AOAH: variants seen among roughly 807,000 people sequenced by gnomAD.
AOAH encodes acyloxyacyl hydrolase.
A neutral mutation model predicts 92.2 loss-of-function variants in AOAH; 64 were observed. The ratio of observed to expected loss-of-function variants is 0.69; its 90% CI spans 0.57 to 0.86. The LOEUF (loss-of-function observed/expected upper bound fraction) is 0.86, where lower values mean the gene tolerates loss of function less well. Ranked by LOEUF, AOAH falls within the 40% of genes least tolerant of loss-of-function variation. The pLI, the probability that AOAH is intolerant of heterozygous loss-of-function variation, is 0.00. For synonymous variants in AOAH, 263 were observed against 254.5 expected (o/e 1.03, Z -0.32); for missense variants, 656 against 694.6 (o/e 0.94, Z 0.62).
At chr7:36,666,035 T>C (rs1263002029) in intron 3 of AOAH, among the ~76,000 whole-genome samples, 1 of 152,146 alleles carries the variant, frequency 6.6e-6, no homozygotes, top group Non-Finnish European at 1.5e-5. Flanking sequence ...TTGTCTGGTT[T>C]TGGTATTAGG....
rs895160923 is a variant in AOAH at position 36,671,647 on chromosome 7, G to T, written c.290+2296C>A. ...TGTGTGCATCTGTGTGTGTGCACGT[G>T]TTTGTGTGTGTGTGTGTGTGTGCCT... On this transcript the variant is annotated intron_variant, in intron 3 of 20. Transcript: ENST00000617537. Among the ~76,000 whole-genome samples the T allele has an allele frequency of 3.1e-4, 44 of 140,010 alleles. 1 individual carries two copies. The highest frequency in any genetic ancestry group is 1.3e-3 in the African/African-American group (44 of 34,668). 91.9% of individuals were successfully genotyped at this position (140,010 alleles called of 152,430 possible).
intron 11 of AOAH, among the ~76,000 whole-genome samples, chr7:36,607,401 G>T (rs753666871): frequency 2.6e-4 from 39 of 152,252 alleles, no homozygotes; most frequent in Non-Finnish European, 2.4e-4. Flanking sequence ...ATTTGTAAAT[G>T]CATTCCTACC....
chr7:36,608,822 G>A (rs1331290731), intron 11 of AOAH, among the ~76,000 whole-genome samples: 1 of 147,832 alleles, frequency 6.8e-6, no homozygotes, highest in East Asian at 2.0e-4. Flanking sequence ...AATTATGGGA[G>A]CAATCCCTCT....
At chr7:36,565,227 C>T (rs977719042) in intron 13 of AOAH, among the ~76,000 whole-genome samples, 1 of 152,112 alleles carries the variant, frequency 6.6e-6, no homozygotes, top group Admixed American at 6.6e-5. Context: ...GTTGCTGTCA[C>T]CACTCTGTAT....
chr7:36,615,285 A>G (rs1208390555), intron 11 of AOAH, among the ~76,000 whole-genome samples: 1 of 151,990 alleles, frequency 6.6e-6, no homozygotes, highest in Non-Finnish European at 1.5e-5. Context: ...TTAAAAATTT[A>G]TTTTTTTAGA....
At chr7:36,571,754 C>A (rs1424586742) in intron 13 of AOAH, among the ~76,000 whole-genome samples, 1 of 152,218 alleles carries the variant, frequency 6.6e-6, no homozygotes, top group African/African-American at 2.4e-5. Context: ...CTCTTAGGAT[C>A]TGGGTATCCA....
chr7:36,707,993 A>C (rs139125185), intron 1 of AOAH, among the ~76,000 whole-genome samples: 386 of 152,142 alleles, frequency 2.5e-3, no homozygotes, highest in African/African-American at 8.8e-3. Context: ...GAGTCTTGTT[A>C]CGTTGCCCAG....
chr7:36,540,544 T>C, intron 15 of AOAH, 53 bp from the exon 16 acceptor site: 1 of 1,493,312 alleles, frequency 6.7e-7, no homozygotes, highest in Admixed American at 1.8e-5. Flanking sequence ...GATAGATGCA[T>C]GCAAGTTGCA....
chr7:36,597,825 C>T (rs1790243884), intron 11 of AOAH: 2 of 152,124 alleles, frequency 1.3e-5, no homozygotes, highest in Non-Finnish European at 2.9e-5. Flanking sequence ...AGTGTGCCAG[C>T]AAAGTAGAGA....
chr7:36,674,692 C>A (rs1283920517), intron 2 of AOAH, among the ~76,000 whole-genome samples: 1 of 152,188 alleles, frequency 6.6e-6, no homozygotes, highest in African/African-American at 2.4e-5. Flanking sequence ...CCTGGTAATT[C>A]AACTCAGGAT....
intron 1 of AOAH, among the ~76,000 whole-genome samples, chr7:36,696,531 T>C (rs924626702): frequency 7.9e-5 from 12 of 152,204 alleles, no homozygotes; most frequent in South Asian, 2.1e-4. Context: ...AAGATTGTTT[T>C]CTTAATTTTA....
chr7:36,523,479 C>G (rs1042969579), intron 19 of AOAH, among the ~76,000 whole-genome samples: 4 of 152,180 alleles, frequency 2.6e-5, no homozygotes, highest in Admixed American at 2.0e-4. Flanking sequence ...TTAAACAGCA[C>G]TCACTCTCAT....
chr7:36,594,775 T>C, intron 11 of AOAH: 1 of 333,132 alleles, frequency 3.0e-6, no homozygotes. Context: ...CATCAGAAAG[T>C]CAATCATCTG....
At chr7:36,517,156 G>GTCTTTCTTTCTTTCTTTCTCTCTT (rs1562853505) in intron 20 of AOAH, among the ~76,000 whole-genome samples, 11 of 95,432 alleles carry the variant, frequency 1.2e-4, no homozygotes, top group African/African-American at 4.1e-4. Flanking sequence ...ATCCATGTTA[G>GTCTTTCTTTCTTTCTTTCTCTCTT]TCTTTCTTTC....
At chr7:36,554,849 T>C (rs1006483145) in intron 13 of AOAH, among the ~76,000 whole-genome samples, 1 of 151,512 alleles carries the variant, frequency 6.6e-6, no homozygotes, top group African/African-American at 2.4e-5. Flanking sequence ...GCTGAAACTT[T>C]GCTGAAGTTG....
chr7:36,513,299 A>G lies in AOAH; in HGVS notation c.1681T>C (p.Phe561Leu). Reference protein sequence around the residue: ...WPQILGKENPFNPQIKQVFGD... With the variant: ...WPQILGKENPLNPQIKQVFGD... The stretch of plus-strand genomic sequence containing the variant: ...AACACCTGTTTAATCTGGGGGTTGA[A>G]CGGATTCTCCTTTCCCAGGATTTGG... Residue 561 changes from phenylalanine (F) to leucine (L), a missense_variant, in exon 21 of 21, where the codon TTC becomes CTC. Phe to Leu is a conservative substitution (Grantham distance 22, BLOSUM62 0). Transcript: ENST00000617537. The G allele has an allele frequency of 1.2e-6, 2 of 1,614,178 alleles. No homozygotes were observed. The highest frequency in any genetic ancestry group is 1.7e-6 in the Non-Finnish European group (2 of 1,180,024).
chr7:36,717,005 TAAATAAATAAATAAAA>T lies in AOAH; in HGVS notation c.127+7001_127+7016del, dbSNP rs1201244616. On this transcript the variant is annotated intron_variant, in intron 1 of 20. Transcript: ENST00000617537. ...ATAAATAAATAAATAAATAAATAAA[TAAATAAATAAATAAAA>T]AAGCATAGTCGACCCTGCATTTGCT... is the stretch of plus-strand genomic sequence containing the variant. 2.0e-3 allele frequency among the ~76,000 whole-genome samples: 300 copies of T among 148,242 alleles called. 4 individuals carry two copies. Among genetic ancestry groups the T allele is most frequent in the African/African-American group, 7.5e-3 (291 of 38,796 alleles).
At chr7:36,688,577 G>T (rs1469620240) in intron 1 of AOAH, among the ~76,000 whole-genome samples, 1 of 152,064 alleles carries the variant, frequency 6.6e-6, no homozygotes, top group African/African-American at 2.4e-5. Context: ...AAGAGAGAGA[G>T]GCTTTGACAT....
In AOAH at chr7:36,614,218, G is replaced by A. The variant is rs1293469655; in HGVS notation, c.846+2162C>T. 3.9e-5 allele frequency among the ~76,000 whole-genome samples: 6 copies of A among 152,116 alleles called. No homozygotes were observed. Among genetic ancestry groups the A allele is most frequent in the Non-Finnish European group, 7.4e-5 (5 of 68,026 alleles). On this transcript the variant is annotated intron_variant, in intron 11 of 20. Transcript: ENST00000617537. This position sits in a 1 kb window ranked among gnomAD's most constrained non-coding sequence, Gnocchi z 4.2. The stretch of plus-strand genomic sequence containing the variant: ...TAATGGACACGGTGGCTCTTGGGAC[G>A]AGTCTGTTGTGGCACTGCCCCACAT...
Sources: gnomAD v4.1 joint callset for allele counts (sites outside exome capture counted in the v4.1 genomes callset) on GRCh38, gnomAD v4.1.1 for gene constraint, Gnocchi (gnomAD v3.1) non-coding constraint, MANE v1.5 for transcripts, NCBI Gene and HGNC (gene_info 2026-07-23, HGNC 2026-07-21) for gene names.